Variants in DPP10 observed in about 807,000 individuals in gnomAD.
The protein encoded by DPP10 is inactive dipeptidyl peptidase 10.
Under a neutral mutation model 120.9 loss-of-function variants are expected in DPP10, and 33 were observed. That is an observed-to-expected ratio of 0.27 (90% confidence interval 0.21 to 0.37). The LOEUF (loss-of-function observed/expected upper bound fraction) is 0.37. Among genes scored for constraint, DPP10 ranks in the 10% least tolerant of loss-of-function variants. The pLI, the probability that DPP10 is intolerant of heterozygous loss-of-function variation, is 1.00. For missense variants in DPP10, 816 were observed against 942.8 expected (o/e 0.87, Z 1.76); for synonymous variants, 337 against 326.1 (o/e 1.03, Z -0.36).
intron 3 of DPP10, among the ~76,000 whole-genome samples, chr2:115,454,241 C>T (rs1434183234): frequency 2.0e-5 from 3 of 151,372 alleles, no homozygotes; most frequent in Non-Finnish European, 4.4e-5. Flanking sequence ...TCATATCAGA[C>T]AAATGCATCA....
intron 1 of DPP10, among the ~76,000 whole-genome samples, chr2:115,287,665 G>C (rs1456348534): frequency 6.6e-6 from 1 of 151,926 alleles, no homozygotes; most frequent in East Asian, 1.9e-4. Context: ...TAATGTTTCC[G>C]TGGACTCATT....
intron 1 of DPP10, among the ~76,000 whole-genome samples, chr2:114,984,940 T>C (rs945427906): frequency 9.8e-5 from 15 of 152,300 alleles, no homozygotes; most frequent in Admixed American, 9.8e-4. Flanking sequence ...CTAGGTTGTA[T>C]CCATGACACA....
intron 1 of DPP10, among the ~76,000 whole-genome samples, chr2:115,299,420 G>T (rs1302721381): frequency 6.6e-6 from 1 of 151,974 alleles, no homozygotes; most frequent in African/African-American, 2.4e-5. Flanking sequence ...GCAGTGAAAG[G>T]ATTGGAATGC....
intron 1 of DPP10, among the ~76,000 whole-genome samples, chr2:114,817,324 A>C (rs959685295): frequency 6.6e-6 from 1 of 151,046 alleles, no homozygotes; most frequent in African/African-American, 2.4e-5. Flanking sequence ...AAAGGCTCAC[A>C]TGAAAGGATT....
intron 1 of DPP10, among the ~76,000 whole-genome samples, chr2:114,576,738 C>A (rs1210972018): frequency 6.6e-6 from 1 of 152,166 alleles, no homozygotes; most frequent in Non-Finnish European, 1.5e-5. Flanking sequence ...CAGAAGCCAA[C>A]ACTAAACAAA....
intron 1 of DPP10, among the ~76,000 whole-genome samples, chr2:114,490,813 A>C (rs55723836): frequency 0.015 from 2,317 of 152,206 alleles, 58 homozygotes; most frequent in African/African-American, 0.053. Flanking sequence ...TGAACTCAGA[A>C]AACTTGTGTG....
In DPP10 at chr2:115,334,151, C is replaced by T. The variant is rs191897831; in HGVS notation, c.176-9666C>T. Among the ~76,000 whole-genome samples the T allele has an allele frequency of 5.1e-4, 75 of 146,562 alleles. 2 individuals carry two copies. In the East Asian group the frequency reaches 0.014, roughly 27 times the overall value. The stretch of plus-strand genomic sequence containing the variant: ...TTCAGGAAATACAGAGAATGCCACA[C>T]AGATACTCCTCAGGAAGAGCAACTC... On this transcript the variant is annotated intron_variant, in intron 2 of 25. Transcript: ENST00000410059.
intron 1 of DPP10, among the ~76,000 whole-genome samples, chr2:114,910,473 G>C (rs1443206296): frequency 2.6e-5 from 4 of 151,830 alleles, no homozygotes; most frequent in Admixed American, 2.6e-4. Context: ...TAACAAATTC[G>C]ACACAGCTGA....
At chr2:115,675,510 C>G (rs948483350) in intron 5 of DPP10, among the ~76,000 whole-genome samples, 1 of 152,126 alleles carries the variant, frequency 6.6e-6, no homozygotes, top group Non-Finnish European at 1.5e-5. Flanking sequence ...TGAAGACCAT[C>G]TGAGGCATGG....
At chr2:115,798,345 A>T (rs1214693048) in intron 19 of DPP10, among the ~76,000 whole-genome samples, 2 of 152,100 alleles carry the variant, frequency 1.3e-5, no homozygotes, top group Admixed American at 1.3e-4. Context: ...TATTAGTTTA[A>T]CATGACTTTG....
At chr2:115,532,772 G>A (rs746380872) in intron 5 of DPP10, among the ~76,000 whole-genome samples, 1 of 151,504 alleles carries the variant, frequency 6.6e-6, no homozygotes, top group Non-Finnish European at 1.5e-5. Context: ...GAATATTTGT[G>A]GTTAATATTT....
chr2:115,642,024 C>A (rs536579922), intron 5 of DPP10, among the ~76,000 whole-genome samples: 1 of 152,048 alleles, frequency 6.6e-6, no homozygotes, highest in Non-Finnish European at 1.5e-5. Context: ...AAAGATAGGG[C>A]ATTGCTTTTC....
At chr2:114,462,825 T>C (rs1294229052) in intron 1 of DPP10, among the ~76,000 whole-genome samples, 1 of 152,182 alleles carries the variant, frequency 6.6e-6, no homozygotes, top group African/African-American at 2.4e-5. Context: ...TATTTAAAAT[T>C]CTTCTATTCG....
chr2:114,899,723 C>T (rs1004824952), intron 1 of DPP10, among the ~76,000 whole-genome samples: 12 of 151,948 alleles, frequency 7.9e-5, no homozygotes, highest in Non-Finnish European at 1.5e-4. Flanking sequence ...TTTGGGAGGC[C>T]GAGGTGGGCA....
intron 1 of DPP10, among the ~76,000 whole-genome samples, chr2:114,497,291 GTACATGTATACGTGTATA>G (rs1682688766): frequency 4.2e-5 from 2 of 48,166 alleles, no homozygotes; most frequent in Non-Finnish European, 1.1e-4. Flanking sequence ...GTGTATACAT[GTACATGTATACGTGTATA>G]CATGTACATG....
At chr2:115,256,661 T>A (rs565637723) in intron 1 of DPP10, among the ~76,000 whole-genome samples, 112 of 152,354 alleles carry the variant, frequency 7.4e-4, no homozygotes, top group African/African-American at 2.6e-3. Flanking sequence ...CATTGTCTTG[T>A]CTATCAGCAC....
At chr2:115,671,667 G>A (rs992779233) in intron 5 of DPP10, among the ~76,000 whole-genome samples, 1 of 152,162 alleles carries the variant, frequency 6.6e-6, no homozygotes, top group Non-Finnish European at 1.5e-5. Context: ...CTATTAGACA[G>A]CACTGACTAG....
At chr2:115,088,952 A>G (rs1709008287) in intron 1 of DPP10, among the ~76,000 whole-genome samples, 1 of 152,040 alleles carries the variant, frequency 6.6e-6, no homozygotes, top group Admixed American at 6.6e-5. Flanking sequence ...CTGACTGACC[A>G]TCCCTTGACT....
intron 1 of DPP10, among the ~76,000 whole-genome samples, chr2:115,111,769 A>G (rs1167031355): frequency 6.6e-6 from 1 of 152,236 alleles, no homozygotes; most frequent in African/African-American, 2.4e-5. Context: ...GCAATCCTCA[A>G]GAGGTAGATT....
Sources: allele counts gnomAD v4.1 joint callset (sites outside exome capture counted in the v4.1 genomes callset), GRCh38; gene constraint gnomAD v4.1.1; transcripts MANE v1.5; gene names NCBI Gene and HGNC (gene_info 2026-07-23, HGNC 2026-07-21).